The following PTPRK variants were observed in gnomAD, a reference collection of about 807,000 sequenced individuals.
PTPRK encodes the protein receptor-type tyrosine-protein phosphatase kappa.
PTPRK carries 75 observed loss-of-function variants against 178.0 expected under a neutral mutation model. That is an observed-to-expected ratio of 0.42 (90% CI 0.35 to 0.51). PTPRK has a LOEUF of 0.51. Ranked by LOEUF, PTPRK falls within the 20% of genes least tolerant of loss-of-function variation. The pLI, the probability that PTPRK is intolerant of heterozygous loss-of-function variation, is 0.02. For missense variants in PTPRK, 1,441 were observed against 1,797.8 expected (o/e 0.80, Z 3.59); for synonymous variants, 637 against 620.6 (o/e 1.03, Z -0.39).
At chr6:128,195,093 T>C (rs1369504735) in intron 6 of PTPRK, among the ~76,000 whole-genome samples, 1 of 152,058 alleles carries the variant, frequency 6.6e-6, no homozygotes, top group African/African-American at 2.4e-5. Context: ...TTATTAAAAA[T>C]ATCCTGAATC....
At chr6:128,481,272 CTGTT>C (rs1852039441) in intron 1 of PTPRK, among the ~76,000 whole-genome samples, 2 of 152,122 alleles carry the variant, frequency 1.3e-5, no homozygotes, top group African/African-American at 4.8e-5. Context: ...TTAGGTTCAA[CTGTT>C]AACTGGCCAC....
chr6:128,476,489 A>C (rs898151413), intron 1 of PTPRK, among the ~76,000 whole-genome samples: 1 of 152,184 alleles, frequency 6.6e-6, no homozygotes, highest in South Asian at 2.1e-4. Context: ...TTGTTGTCTG[A>C]GGTCAACCAA....
intron 8 of PTPRK, among the ~76,000 whole-genome samples, chr6:128,084,680 TA>T (rs1474554827): frequency 6.6e-6 from 1 of 152,180 alleles, no homozygotes; most frequent in Non-Finnish European, 1.5e-5. Flanking sequence ...AAATACCAGA[TA>T]AAAAATTCTT....
At chr6:128,149,459 T>C (rs932484607) in intron 7 of PTPRK, among the ~76,000 whole-genome samples, 6 of 152,186 alleles carry the variant, frequency 3.9e-5, no homozygotes, top group African/African-American at 1.4e-4. Flanking sequence ...TGAATAGTTG[T>C]TATATTGCAG....
At chr6:128,383,451 G>A (rs1562404276) in intron 2 of PTPRK, among the ~76,000 whole-genome samples, 1 of 151,988 alleles carries the variant, frequency 6.6e-6, no homozygotes, top group African/African-American at 2.4e-5. Context: ...AGCTTCAAAA[G>A]GCCATTTTGC....
intron 7 of PTPRK, among the ~76,000 whole-genome samples, chr6:128,174,776 C>G (rs1800822600): frequency 6.6e-6 from 1 of 151,860 alleles, no homozygotes; most frequent in African/African-American, 2.4e-5. Flanking sequence ...TTTACTGGCT[C>G]TCAAACCTTA....
intron 3 of PTPRK, among the ~76,000 whole-genome samples, chr6:128,247,282 C>T (rs993658652): frequency 1.3e-5 from 2 of 151,856 alleles, no homozygotes; most frequent in Non-Finnish European, 2.9e-5. Context: ...GTGTTAAGAG[C>T]CCAGGCTCCA....
At chr6:128,360,512 C>A (rs566934877) in intron 2 of PTPRK, among the ~76,000 whole-genome samples, 1 of 152,252 alleles carries the variant, frequency 6.6e-6, no homozygotes, top group East Asian at 1.9e-4. Flanking sequence ...AGGTAAATCA[C>A]TAATTAGCAT....
chr6:128,073,398 A>T (rs1176115979), intron 11 of PTPRK, among the ~76,000 whole-genome samples: 1 of 151,934 alleles, frequency 6.6e-6, no homozygotes, highest in African/African-American at 2.4e-5. Flanking sequence ...AGAGGGAATG[A>T]TGGGAATGCA....
At chr6:128,298,378 A>G (rs1028452276) in intron 3 of PTPRK, among the ~76,000 whole-genome samples, 1 of 151,442 alleles carries the variant, frequency 6.6e-6, no homozygotes, top group African/African-American at 2.5e-5. Flanking sequence ...AGCTCATTTT[A>G]TGAGGCCAGC....
intron 1 of PTPRK, among the ~76,000 whole-genome samples, chr6:128,479,107 A>G (rs1048627182): frequency 1.3e-5 from 2 of 152,034 alleles, no homozygotes; most frequent in Non-Finnish European, 2.9e-5. Flanking sequence ...GTTCCAGTTG[A>G]AAAAAGGGTG....
intron 7 of PTPRK, among the ~76,000 whole-genome samples, chr6:128,093,058 C>G (rs1340600836): frequency 7.2e-5 from 11 of 152,154 alleles, no homozygotes; most frequent in Non-Finnish European, 1.5e-4. Context: ...AAATAAAAAA[C>G]CATAATGGTG....
chr6:128,022,886 C>T (rs1325374922), intron 13 of PTPRK, among the ~76,000 whole-genome samples: 1 of 152,218 alleles, frequency 6.6e-6, no homozygotes, highest in African/African-American at 2.4e-5. Flanking sequence ...ATTGTGTTCT[C>T]TATCAAGTTT....
chr6:127,972,911 G>A (rs998348976), intron 29 of PTPRK, 111 bp downstream of exon 29: 56 of 1,116,776 alleles, frequency 5.0e-5, no homozygotes, highest in East Asian at 9.8e-5. Flanking sequence ...TCCCCACAAC[G>A]TCTCATTTTC....
chr6:128,296,487 A>G (rs1824416226), intron 3 of PTPRK, among the ~76,000 whole-genome samples: 1 of 152,208 alleles, frequency 6.6e-6, no homozygotes, highest in South Asian at 2.1e-4. Context: ...AGGTTGGGTT[A>G]TCCACAAAGG....
chr6:128,026,084 C>A (rs1452378850), intron 13 of PTPRK, among the ~76,000 whole-genome samples: 1 of 152,054 alleles, frequency 6.6e-6, no homozygotes, highest in Non-Finnish European at 1.5e-5. Flanking sequence ...TTAAGAGAAT[C>A]CCAAGAGATC....
At chr6:128,024,988 C>CT (rs755363612) in intron 13 of PTPRK, among the ~76,000 whole-genome samples, 1 of 152,000 alleles carries the variant, frequency 6.6e-6, no homozygotes, top group Non-Finnish European at 1.5e-5. Context: ...TAATATTTAC[C>CT]TTTTCAACTA....
intron 6 of PTPRK, among the ~76,000 whole-genome samples, chr6:128,188,086 C>T (rs1007007576): frequency 2.0e-5 from 3 of 152,014 alleles, no homozygotes; most frequent in African/African-American, 7.2e-5. Context: ...GCGAATAAAT[C>T]CCAGTTGTAC....
At chr6:128,017,574 G>A (rs1188137745) in intron 13 of PTPRK, among the ~76,000 whole-genome samples, 5 of 151,160 alleles carry the variant, frequency 3.3e-5, no homozygotes, top group Admixed American at 2.7e-4. Flanking sequence ...TCCCAGGCTA[G>A]GCAACACTCT....
Sources: gnomAD v4.1 joint callset for allele counts (sites outside exome capture counted in the v4.1 genomes callset) on GRCh38, gnomAD v4.1.1 for gene constraint, MANE v1.5 for transcripts, NCBI Gene and HGNC (gene_info 2026-07-23, HGNC 2026-07-21) for gene names.